The following CD2 variants were observed in gnomAD, a reference collection of about 807,000 sequenced individuals.
CD2 encodes the protein CD2 molecule.
CD2 carries 18 observed loss-of-function variants against 23.2 expected under a neutral mutation model. The observed-to-expected ratio is 0.77, with a 90% CI of 0.54 to 1.15. The LOEUF (loss-of-function observed/expected upper bound fraction) is 1.15. CD2 is among the 50% of genes most tolerant of loss of function. The pLI, the probability that CD2 is intolerant of heterozygous loss-of-function variation, is 0.00. For synonymous variants in CD2, 162 were observed against 151.9 expected, an observed-to-expected ratio of 1.07 and a Z score of -0.49; for missense variants, 424 against 423.1, an observed-to-expected ratio of 1.00 and a Z score of -0.02.
intron 2 of CD2, 73 bp downstream of exon 2, chr1:116,755,024 A>T: frequency 9.6e-7 from 1 of 1,046,460 alleles, no homozygotes; most frequent in East Asian, 2.4e-5. Flanking sequence ...TAGCATTTCT[A>T]ATATTCCCCA....
At chr1:116,758,612 C>A (rs1651937822) in intron 2 of CD2, among the ~76,000 whole-genome samples, 1 of 152,146 alleles carries the variant, frequency 6.6e-6, no homozygotes, top group African/African-American at 2.4e-5. Context: ...TGATTATGGG[C>A]TCTGGAAACC....
intron 4 of CD2, 102 bp from the exon 5 acceptor site, chr1:116,768,362 C>A: frequency 9.0e-7 from 1 of 1,115,540 alleles, no homozygotes; most frequent in African/African-American, 1.6e-5. Flanking sequence ...TCATTGCATC[C>A]CCCAAAGCAG....
intron 4 of CD2, among the ~76,000 whole-genome samples, chr1:116,766,071 C>T (rs927881733): frequency 5.3e-5 from 8 of 152,230 alleles, no homozygotes; most frequent in Admixed American, 1.3e-4. Context: ...GGAGGCTGGC[C>T]TGCCCTTGCA....
chr1:116,758,586 C>T lies in CD2; in HGVS notation c.383-1816C>T, dbSNP rs577627848. On this transcript the variant is annotated intron_variant, in intron 2 of 4. Transcript: ENST00000369478. ...AGAAATGTAGTGGGGTTGAGCATGG[C>T]GCTGAAAAGAGCCTCTGATTATGGG... is the stretch of plus-strand genomic sequence containing the variant. 6.0e-4 allele frequency among the ~76,000 whole-genome samples: 91 copies of T among 152,232 alleles called. 1 individual carries two copies. The South Asian group carries it at 9.4e-3, about 16-fold the overall frequency.
chr1:116,767,939 C>T (rs180717060), intron 4 of CD2, among the ~76,000 whole-genome samples: 8 of 152,238 alleles, frequency 5.3e-5, no homozygotes, highest in Admixed American at 2.6e-4. Flanking sequence ...TTCTGAGAAG[C>T]GAGTAAATTT....
chr1:116,754,604 T>C lies in CD2; in HGVS notation c.62-27T>C, dbSNP rs575848821. On this transcript the variant is annotated intron_variant, in intron 1 of 4. Coordinates refer to ENST00000369478, the MANE Select transcript of CD2 (RefSeq NM_001767.5). The stretch of plus-strand genomic sequence containing the variant: ...CAACCCAGCTTTCCCTGAAAGTGAC[T>C]CTCAGTAACTCTTTTGCTTTTTATA... 4 of 1,607,460 alleles carry C rather than the reference T, an allele frequency of 2.5e-6. No homozygotes were observed. In the South Asian group the frequency reaches 4.5e-5, roughly 18 times the overall value.
chr1:116,758,088 T>C (rs1651917709), intron 2 of CD2, among the ~76,000 whole-genome samples: 1 of 151,434 alleles, frequency 6.6e-6, no homozygotes. Flanking sequence ...ATTATTTATA[T>C]ATATACATAT....
At chr1:116,763,664 C>A (rs899578444) in intron 3 of CD2, among the ~76,000 whole-genome samples, 15 of 152,282 alleles carry the variant, frequency 9.9e-5, no homozygotes, top group Admixed American at 8.5e-4. Flanking sequence ...TTCATTATCT[C>A]CACTTTACAA....
rs1160472836 is a variant in CD2 at position 116,764,551 on chromosome 1, G to T, written c.681G>T (p.Val227=). The T allele has an allele frequency of 6.2e-7, 1 of 1,614,074 alleles. No individual in the cohort carries two copies. Among genetic ancestry groups the T allele is most frequent in the East Asian group, 2.2e-5 (1 of 44,882 alleles). The change falls in exon 4 of 5, where the codon GTG becomes GTT. Residue 227 remains valine (V), a synonymous_variant. Transcript: ENST00000369478. ...GAGGCAGCCTCTTGATGGTCTTTGT[G>T]GCACTGCTCGTTTTCTATATCACCA... ...CGGGSLLMVF[V]ALLVFYITKR...
chr1:116,761,356 A>G (rs1311411692), intron 3 of CD2, among the ~76,000 whole-genome samples: 1 of 152,170 alleles, frequency 6.6e-6, no homozygotes, highest in Admixed American at 6.5e-5. Flanking sequence ...GAGAATCTTG[A>G]CAGAGTTTCT....
intron 4 of CD2, among the ~76,000 whole-genome samples, chr1:116,765,792 C>T (rs1652199664): frequency 6.6e-6 from 1 of 152,260 alleles, no homozygotes; most frequent in Non-Finnish European, 1.5e-5. Flanking sequence ...GTGGACCTCA[C>T]TTGTCACCCC....
intron 3 of CD2, among the ~76,000 whole-genome samples, chr1:116,764,188 C>T (rs753420233): frequency 1.5e-4 from 23 of 152,160 alleles, no homozygotes; most frequent in Admixed American, 3.3e-4. Flanking sequence ...TCTAAAATTT[C>T]GTGATGCTTT....
At chr1:116,757,697 G>A (rs1651901679) in intron 2 of CD2, among the ~76,000 whole-genome samples, 1 of 152,112 alleles carries the variant, frequency 6.6e-6, no homozygotes, top group Non-Finnish European at 1.5e-5. Flanking sequence ...GGAAAAGGCA[G>A]ACTGTAAGAT....
chr1:116,756,717 C>G (rs1651860534), intron 2 of CD2, among the ~76,000 whole-genome samples: 1 of 152,166 alleles, frequency 6.6e-6, no homozygotes, highest in African/African-American at 2.4e-5. Context: ...ACCCTTCACC[C>G]TTTAGCCGAA....
chr1:116,760,672 G>A (rs775500609), intron 3 of CD2, 40 bp downstream of exon 3: 24 of 1,500,698 alleles, frequency 1.6e-5, no homozygotes, highest in Middle Eastern at 1.7e-4. Context: ...AGCCTGCCAG[G>A]CCCTCAGTAG....
intron 3 of CD2, among the ~76,000 whole-genome samples, chr1:116,762,444 C>T (rs542185385): frequency 1.6e-4 from 24 of 152,086 alleles, no homozygotes; most frequent in East Asian, 1.5e-3. Flanking sequence ...AAGCTCATTG[C>T]GAGAAGGACC....
chr1:116,761,362 T>C (rs1338126990), intron 3 of CD2, among the ~76,000 whole-genome samples: 1 of 152,040 alleles, frequency 6.6e-6, no homozygotes, highest in East Asian at 1.9e-4. Flanking sequence ...CTTGACAGAG[T>C]TTCTTCCCCT....
At chr1:116,758,218 T>C (rs1370759396) in intron 2 of CD2, among the ~76,000 whole-genome samples, 2 of 152,224 alleles carry the variant, frequency 1.3e-5, no homozygotes, top group South Asian at 2.1e-4. Flanking sequence ...TATCAGCTTG[T>C]ACAATGATTG....
chr1:116,765,531 C>T (rs568434228), intron 4 of CD2, among the ~76,000 whole-genome samples: 39 of 152,312 alleles, frequency 2.6e-4, no homozygotes, highest in Non-Finnish European at 2.6e-4. Context: ...CATCAGGCTG[C>T]GGTCCCTCAG....
Sources: gnomAD v4.1 joint callset for allele counts (sites outside exome capture counted in the v4.1 genomes callset) on GRCh38, gnomAD v4.1.1 for gene constraint, MANE v1.5 for transcripts, NCBI Gene and HGNC (gene_info 2026-07-23, HGNC 2026-07-21) for gene names.